The following BCKDHB variants were observed in gnomAD, a reference collection of about 807,000 sequenced individuals.
BCKDHB encodes branched chain keto acid dehydrogenase E1 subunit beta.
Under a neutral mutation model 48.5 loss-of-function variants are expected in BCKDHB, and 41 were observed. The ratio of observed to expected loss-of-function variants is 0.85; its 90% confidence interval spans 0.66 to 1.10. BCKDHB has a LOEUF of 1.10. BCKDHB is among the 50% of genes least tolerant of loss of function. The pLI is 0.00. For synonymous variants in BCKDHB, 201 were observed against 174.8 expected, an observed-to-expected ratio of 1.15 and a Z score of -1.18; for missense variants, 496 against 494.2, an observed-to-expected ratio of 1.00 and a Z score of -0.03.
chr6:80,287,286 C>A (rs559691830), intron 9 of BCKDHB, among the ~76,000 whole-genome samples: 17 of 152,248 alleles, frequency 1.1e-4, no homozygotes, highest in African/African-American at 3.4e-4. Flanking sequence ...TGTTCACTTA[C>A]ATAGTTTTCA....
In BCKDHB at chr6:80,230,600, G is replaced by A. The variant is rs559469279; in HGVS notation, c.951+27388G>A. ...TTAATTATTCAACTCTGCCCTTAAA[G>A]CAGTGTTTTAGTCCATTTTGTGTTG... is the stretch of plus-strand genomic sequence containing the variant. On this transcript the variant is annotated intron_variant, in intron 8 of 9. Transcript: ENST00000320393. Among the ~76,000 whole-genome samples, 20 of 152,234 alleles carry A rather than the reference G, an allele frequency of 1.3e-4. 2 individuals carry two copies. Among genetic ancestry groups the A allele is most frequent in the Admixed American group, 1.0e-3 (16 of 15,284 alleles).
intron 8 of BCKDHB, among the ~76,000 whole-genome samples, chr6:80,234,432 A>G (rs971216549): frequency 1.3e-5 from 2 of 152,206 alleles, no homozygotes; most frequent in South Asian, 2.1e-4. Flanking sequence ...TTATATTTGT[A>G]TATAAATATA....
chr6:80,229,920 G>A (rs1488553922), intron 8 of BCKDHB, among the ~76,000 whole-genome samples: 3 of 148,826 alleles, frequency 2.0e-5, no homozygotes, highest in South Asian at 2.2e-4. Flanking sequence ...TAGGAAGGCT[G>A]TTAAAATCAG....
chr6:80,152,423 T>C (rs1771830382), intron 3 of BCKDHB, among the ~76,000 whole-genome samples: 1 of 152,102 alleles, frequency 6.6e-6, no homozygotes, highest in African/African-American at 2.4e-5. Context: ...CTGAAATGAG[T>C]TTTTGTGTTT....
At chr6:80,108,119 T>G (rs550964827) in intron 1 of BCKDHB, among the ~76,000 whole-genome samples, 1 of 152,108 alleles carries the variant, frequency 6.6e-6, no homozygotes, top group Non-Finnish European at 1.5e-5. Flanking sequence ...TAATGGAGTC[T>G]TGAGACAGTT....
chr6:80,333,926 A>T (rs1274029618), intron 9 of BCKDHB, among the ~76,000 whole-genome samples: 2 of 152,098 alleles, frequency 1.3e-5, no homozygotes, highest in Non-Finnish European at 2.9e-5. Context: ...TATCAGATTT[A>T]TTAGAAATTT....
At chr6:80,450,241 G>A in the BCKDHB span, among the ~76,000 whole-genome samples, 1 of 152,166 alleles carries the variant, frequency 6.6e-6, no homozygotes, top group Non-Finnish European at 1.5e-5. Context: ...CTAAAATGAA[G>A]TGTAAAAGTA....
At chr6:80,406,442 C>A in the BCKDHB span, among the ~76,000 whole-genome samples, 1 of 152,216 alleles carries the variant, frequency 6.6e-6, no homozygotes, top group South Asian at 2.1e-4. Flanking sequence ...CTGTCTTCCA[C>A]AATGGTTGAG....
At chr6:80,313,424 G>C (rs964624145) in intron 9 of BCKDHB, among the ~76,000 whole-genome samples, 1 of 152,038 alleles carries the variant, frequency 6.6e-6, no homozygotes, top group African/African-American at 2.4e-5. Context: ...GCAGTGGCGC[G>C]ATCTCAGCTC....
At chr6:80,161,004 T>G (rs78241458) in intron 3 of BCKDHB, among the ~76,000 whole-genome samples, 1 of 152,218 alleles carries the variant, frequency 6.6e-6, no homozygotes, top group Non-Finnish European at 1.5e-5. Flanking sequence ...TACTTTTTTT[T>G]GCCCAATCAA....
At chr6:80,460,301 T>C in the BCKDHB span, among the ~76,000 whole-genome samples, 622 of 152,306 alleles carry the variant, frequency 4.1e-3, 6 homozygotes, top group African/African-American at 0.014. Context: ...TGATATCCTT[T>C]AGGAATAAAC....
At chr6:80,387,854 G>A in the BCKDHB span, among the ~76,000 whole-genome samples, 1 of 152,222 alleles carries the variant, frequency 6.6e-6, no homozygotes, top group African/African-American at 2.4e-5. Flanking sequence ...TGATGACATT[G>A]TGCTGATTGG....
At chr6:80,383,581 A>G in the BCKDHB span, among the ~76,000 whole-genome samples, 3 of 152,132 alleles carry the variant, frequency 2.0e-5, no homozygotes, top group Non-Finnish European at 2.9e-5. Context: ...TTAAATATTC[A>G]ATTTATTTAA....
At chr6:80,179,607 C>T (rs927923175) in intron 6 of BCKDHB, among the ~76,000 whole-genome samples, 1 of 152,132 alleles carries the variant, frequency 6.6e-6, no homozygotes, top group Non-Finnish European at 1.5e-5. Context: ...ACCAAACCCC[C>T]ATGCATACCA....
At chr6:80,204,069 GTAT>G (rs1158388879) in intron 8 of BCKDHB, among the ~76,000 whole-genome samples, 3 of 152,032 alleles carry the variant, frequency 2.0e-5, no homozygotes, top group African/African-American at 7.2e-5. Flanking sequence ...ACAATGACAT[GTAT>G]TATTTTTTCT....
chr6:80,446,013 C>G, the BCKDHB span, among the ~76,000 whole-genome samples: 1 of 152,154 alleles, frequency 6.6e-6, no homozygotes, highest in African/African-American at 2.4e-5. Context: ...TACAATACAG[C>G]TGATGTGTAA....
At chr6:80,305,219 G>A (rs952684756) in intron 9 of BCKDHB, among the ~76,000 whole-genome samples, 1 of 151,996 alleles carries the variant, frequency 6.6e-6, no homozygotes, top group Non-Finnish European at 1.5e-5. Context: ...AGTATCTATG[G>A]TAGTGACTAT....
At chr6:80,120,913 T>A (rs1025177068) in intron 1 of BCKDHB, among the ~76,000 whole-genome samples, 2 of 152,192 alleles carry the variant, frequency 1.3e-5, no homozygotes, top group Admixed American at 1.3e-4. Context: ...TTGCTTTTGA[T>A]GTTTTAGTCA....
At chr6:80,454,119 G>A in the BCKDHB span, 2 of 152,218 alleles carry the variant, frequency 1.3e-5, no homozygotes, top group African/African-American at 4.8e-5. Flanking sequence ...GGGTGGCTTT[G>A]AAATCAGAAT....
Sources: allele counts gnomAD v4.1 joint callset (sites outside exome capture counted in the v4.1 genomes callset), GRCh38; gene constraint gnomAD v4.1.1; transcripts MANE v1.5; gene names NCBI Gene and HGNC (gene_info 2026-07-23, HGNC 2026-07-21).